Variants in NIPA2 observed in about 807,000 individuals in gnomAD.
The protein encoded by NIPA2 is magnesium transporter NIPA2.
A neutral mutation model predicts 29.7 loss-of-function variants in NIPA2; 11 were observed. That is an observed-to-expected ratio of 0.37 (90% CI 0.23 to 0.61). The LOEUF (loss-of-function observed/expected upper bound fraction) is 0.61. Ranked by LOEUF, NIPA2 falls within the 20% of genes least tolerant of loss-of-function variation. The pLI is 0.66. For synonymous variants in NIPA2, 183 were observed against 161.9 expected (o/e 1.13, Z -0.99); for missense variants, 426 against 437.9 (o/e 0.97, Z 0.24).
At chr15:22,860,927 C>G (rs890646753) in intron 7 of NIPA2, 138 bp downstream of exon 7, 3 of 607,860 alleles carry the variant, frequency 4.9e-6, no homozygotes, top group Admixed American at 7.4e-5. Context: ...GTTCCCTGCT[C>G]CCTCCTATCA....
intron 2 of NIPA2, among the ~76,000 whole-genome samples, chr15:22,844,560 A>C (rs1434776462): frequency 1.3e-5 from 2 of 152,064 alleles, no homozygotes; most frequent in African/African-American, 2.4e-5. Context: ...ACTCAAAAAA[A>C]AAAAGAGTTT....
intron 7 of NIPA2, among the ~76,000 whole-genome samples, chr15:22,861,412 G>A (rs2058613844): frequency 2.0e-5 from 3 of 152,114 alleles, no homozygotes; most frequent in Admixed American, 2.0e-4. Context: ...CCTTCAGTTT[G>A]CTTTTTCTTG....
chr15:22,860,268 C>A (rs541908963), intron 6 of NIPA2, among the ~76,000 whole-genome samples: 20 of 152,290 alleles, frequency 1.3e-4, no homozygotes, highest in African/African-American at 4.1e-4. Context: ...GACCCGCGCA[C>A]CTTGGCCTCC....
chr15:22,845,928 A>G (rs1566823676), intron 3 of NIPA2, among the ~76,000 whole-genome samples: 1 of 152,212 alleles, frequency 6.6e-6, no homozygotes, highest in Non-Finnish European at 1.5e-5. Context: ...TTTATGTAAA[A>G]TAAATATGGA....
At chr15:22,844,400 A>G (rs1037362807) in intron 2 of NIPA2, among the ~76,000 whole-genome samples, 1 of 151,972 alleles carries the variant, frequency 6.6e-6, no homozygotes, top group Non-Finnish European at 1.5e-5. Flanking sequence ...CTCTACTACA[A>G]AAAATTAGCC....
At chr15:22,860,815 A>T in intron 7 of NIPA2, 26 bp downstream of exon 7, 1 of 1,526,970 alleles carries the variant, frequency 6.5e-7, no homozygotes, top group Non-Finnish European at 8.8e-7. Flanking sequence ...TATTAGTCTT[A>T]CTGTATTTTA....
Position 22,859,287 on chromosome 15 carries a change from TTTC to T in NIPA2, c.287+660_287+662del, listed in dbSNP as rs1394500696. Among the ~76,000 whole-genome samples the T allele has an allele frequency of 2.9e-5, 4 of 137,962 alleles. No homozygotes were observed. The Admixed American group carries it at 3.5e-4, about 12-fold the overall frequency. 90.5% of individuals were successfully genotyped at this position (137,962 alleles called of 152,430 possible). Reference sequence around the variant, plus strand: ...CTGGTTGGTAATGAGTAGATTTCTTTTTCTTTTTTTTTTTTTTTTTTTTGAGGC... The same window carrying T: ...CTGGTTGGTAATGAGTAGATTTCTTTTTTTTTTTTTTTTTTTTTTTGAGGC... On this transcript the variant is annotated intron_variant, in intron 6 of 7. Transcript: ENST00000337451.
At chr15:22,842,566 C>G (rs527600988) in intron 2 of NIPA2, among the ~76,000 whole-genome samples, 1 of 151,878 alleles carries the variant, frequency 6.6e-6, no homozygotes, top group South Asian at 2.1e-4. Flanking sequence ...CGGTAACTCA[C>G]GCCTGTAATC....
chr15:22,843,391 AG>A (rs1660910627), intron 2 of NIPA2, among the ~76,000 whole-genome samples: 1 of 151,514 alleles, frequency 6.6e-6, no homozygotes, highest in Non-Finnish European at 1.5e-5. Context: ...CTGTAGTCCC[AG>A]CTACTCAGGA....
chr15:22,853,208 A>G lies in NIPA2; in HGVS notation c.140-4A>G, dbSNP rs527265399. 2 of 1,600,688 alleles carry G rather than the reference A, an allele frequency of 1.2e-6. No individual in the cohort carries two copies. Among genetic ancestry groups the G allele is most frequent in the Non-Finnish European group, 8.6e-7 (1 of 1,168,138 alleles). On this transcript the variant is annotated splice_region_variant and splice_polypyrimidine_tract_variant and intron_variant, in intron 4 of 7. Transcript: ENST00000337451. ...AAAGATGTGAAATATTTCTTCATTC[A>G]CAGGTCAAGGTGGCCATGCATATCT...
intron 2 of NIPA2, among the ~76,000 whole-genome samples, chr15:22,843,846 A>G (rs1897841174): frequency 6.6e-6 from 1 of 151,940 alleles, no homozygotes; most frequent in South Asian, 2.1e-4. Flanking sequence ...TTTTGTAGAG[A>G]TGGGGTTTCA....
chr15:22,856,109 G>A (rs564537017), intron 5 of NIPA2, among the ~76,000 whole-genome samples: 7 of 152,232 alleles, frequency 4.6e-5, no homozygotes, highest in Admixed American at 4.6e-4. Flanking sequence ...CAGCCATGGA[G>A]AGCTCCCCAG....
chr15:22,856,255 T>C lies in NIPA2; in HGVS notation c.197-2285T>C, dbSNP rs1473835747. 4.6e-5 allele frequency among the ~76,000 whole-genome samples: 7 copies of C among 152,286 alleles called. No individual in the cohort carries two copies. The East Asian group carries it at 1.3e-3, about 29-fold the overall frequency. ...ATGAAGAGTTCTAAGGTTCTGGCATTATCCAGAAGGAAATAAAGCTAAATA... is the reference window on the plus strand; with the variant it reads ...ATGAAGAGTTCTAAGGTTCTGGCATCATCCAGAAGGAAATAAAGCTAAATA... On this transcript the variant is annotated intron_variant, in intron 5 of 7. Transcript: ENST00000337451.
chr15:22,855,615 G>GT (rs1300881501), intron 5 of NIPA2, among the ~76,000 whole-genome samples: 5 of 152,148 alleles, frequency 3.3e-5, no homozygotes. Flanking sequence ...GAAGTTATGT[G>GT]TTTATGTGCC....
At chr15:22,865,190 T>C (rs546678267) in intron 7 of NIPA2, among the ~76,000 whole-genome samples, 1 of 151,394 alleles carries the variant, frequency 6.6e-6, no homozygotes, top group East Asian at 2.0e-4. Context: ...ATTTGTGTCT[T>C]TAATAATCTA....
In NIPA2 at chr15:22,867,257, CA is replaced by C. The variant is rs1280523257; in HGVS notation, c.*412del. On this transcript the variant is annotated 3_prime_UTR_variant, in exon 8 of 8. Coordinates refer to ENST00000337451, the MANE Select transcript of NIPA2 (RefSeq NM_030922.7). ...TTATTTTAAAAAAACAGAGTTATCC[CA>C]ATACATTATCCTGTGATTTACCTTA... 3 of 402,234 alleles carry C rather than the reference CA, an allele frequency of 7.5e-6. No individual in the cohort carries two copies. Among genetic ancestry groups the C allele is most frequent in the African/African-American group, 6.2e-5 (3 of 48,572 alleles). The allele number at this position is 402,234 out of a possible 1,614,324, so 24.9% of individuals were successfully genotyped here.
Position 22,867,433 on chromosome 15 carries a change from T to C in NIPA2, c.*586T>C, listed in dbSNP as rs2059181416. On this transcript the variant is annotated 3_prime_UTR_variant, in exon 8 of 8. Transcript: ENST00000337451. Reference sequence around the variant, plus strand: ...TCACCCCAAGGAACGATTTCTCAGGTTGAGATGATCACCGTGAATCCGGCT... The same window carrying C: ...TCACCCCAAGGAACGATTTCTCAGGCTGAGATGATCACCGTGAATCCGGCT... 1 of 366,190 alleles carries C rather than the reference T, an allele frequency of 2.7e-6. No homozygotes were observed. Among genetic ancestry groups the C allele is most frequent in the African/African-American group, 2.1e-5 (1 of 47,934 alleles). 22.7% of individuals were successfully genotyped at this position (366,190 alleles called of 1,614,324 possible).
chr15:22,860,604 C>A, intron 6 of NIPA2, 25 bp from the exon 7 acceptor site: 1 of 1,485,214 alleles, frequency 6.7e-7, no homozygotes, highest in Non-Finnish European at 9.0e-7. Flanking sequence ...TTAAAGTTCT[C>A]AATTTTTTTT....
At chr15:22,858,480 A>G in intron 5 of NIPA2, 60 bp from the exon 6 acceptor site, 1 of 1,016,028 alleles carries the variant, frequency 9.8e-7, no homozygotes, top group Non-Finnish European at 1.5e-6. Flanking sequence ...AAATGCCGGC[A>G]TTTCCAAGTT....
Sources: allele counts gnomAD v4.1 joint callset (sites outside exome capture counted in the v4.1 genomes callset), GRCh38; gene constraint gnomAD v4.1.1; transcripts MANE v1.5; gene names NCBI Gene and HGNC (gene_info 2026-07-23, HGNC 2026-07-21).